The following BAIAP2 variants were observed in gnomAD, a reference collection of about 807,000 sequenced individuals.
BAIAP2 encodes the protein BAR/IMD domain-containing adapter protein 2.
Under a neutral mutation model 63.0 loss-of-function variants are expected in BAIAP2, and 18 were observed. That is an observed-to-expected ratio of 0.29 (90% CI 0.20 to 0.42). The LOEUF is 0.42. BAIAP2 is among the 10% of genes least tolerant of loss of function. The pLI is 1.00. For missense variants in BAIAP2, 610 were observed against 734.3 expected (o/e 0.83, Z 1.96); for synonymous variants, 386 against 307.6 (o/e 1.25, Z -2.67).
intron 3 of BAIAP2, among the ~76,000 whole-genome samples, chr17:81,080,511 A>G (rs2054422318): frequency 6.6e-6 from 1 of 152,196 alleles, no homozygotes; most frequent in Non-Finnish European, 1.5e-5. Context: ...CTGCAGCTGC[A>G]CGGGCGGGTG....
chr17:81,116,127 AC>A lies in BAIAP2; in HGVS notation c.*292del. ...GTCACATGGCCATGGAGCCTTGGGTACCCCTGAGTTAAGGGAGGACATTTGG... is the reference window on the plus strand; with the variant it reads ...GTCACATGGCCATGGAGCCTTGGGTACCCTGAGTTAAGGGAGGACATTTGG... On this transcript the variant is annotated 3_prime_UTR_variant, in exon 14 of 14. Coordinates refer to ENST00000428708, the MANE Select transcript of BAIAP2 (RefSeq NM_001144888.2). The A allele has an allele frequency of 6.3e-7, 1 of 1,578,488 alleles. No homozygotes were observed.
In BAIAP2 at chr17:81,077,158, G is replaced by A. The variant is rs577472101; in HGVS notation, c.218-7674G>A. Reference sequence around the variant, plus strand: ...GGAGCTAGGGGGCAACTCCTGGTGGGCGTGGGTTTCTCTTCGGGGTGATGA... The same window carrying A: ...GGAGCTAGGGGGCAACTCCTGGTGGACGTGGGTTTCTCTTCGGGGTGATGA... On this transcript the variant is annotated intron_variant, in intron 3 of 13. Transcript: ENST00000428708. 4.6e-5 allele frequency among the ~76,000 whole-genome samples: 7 copies of A among 152,304 alleles called. No individual in the cohort carries two copies. In the East Asian group the frequency reaches 1.4e-3, roughly 29 times the overall value.
chr17:81,089,982 G>C (rs1488759293), intron 6 of BAIAP2, among the ~76,000 whole-genome samples: 3 of 152,176 alleles, frequency 2.0e-5, no homozygotes, highest in Non-Finnish European at 4.4e-5. Flanking sequence ...TGTGGTGCTG[G>C]TCTTTCTTCC....
At chr17:81,049,918 C>T (rs1598520518) in intron 1 of BAIAP2, among the ~76,000 whole-genome samples, 1 of 152,336 alleles carries the variant, frequency 6.6e-6, no homozygotes, top group East Asian at 1.9e-4. Flanking sequence ...CCCACTGGGT[C>T]AGGATGGCCC....
intron 6 of BAIAP2, among the ~76,000 whole-genome samples, chr17:81,093,298 G>GGACA (rs1490532603): frequency 6.6e-6 from 1 of 152,206 alleles, no homozygotes; most frequent in Admixed American, 6.5e-5. Context: ...AGCCAGCTCT[G>GGACA]GAGGCTTCCT....
intron 7 of BAIAP2, among the ~76,000 whole-genome samples, chr17:81,102,671 A>G (rs547025257): frequency 4.5e-4 from 68 of 152,322 alleles, no homozygotes; most frequent in South Asian, 3.7e-3. Flanking sequence ...CTGTCGTCCA[A>G]CATCCTCCGT....
intron 12 of BAIAP2, 43 bp from the exon 13 acceptor site, chr17:81,108,432 G>A: frequency 6.2e-7 from 1 of 1,610,150 alleles, no homozygotes; most frequent in Non-Finnish European, 8.5e-7. Flanking sequence ...GGTGACCACA[G>A]GCCCCGTCAC....
At chr17:81,091,676 G>T (rs1246018102) in intron 6 of BAIAP2, among the ~76,000 whole-genome samples, 4 of 152,316 alleles carry the variant, frequency 2.6e-5, no homozygotes, top group African/African-American at 9.6e-5. Flanking sequence ...CTGCTTTCTT[G>T]AGCGGGCAGG....
Position 81,116,577 on chromosome 17 carries a change from A to G in BAIAP2, c.*738A>G, listed in dbSNP as rs184481093. The G allele has an allele frequency of 3.5e-5, 17 of 491,492 alleles. No homozygotes were observed. Among genetic ancestry groups the G allele is most frequent in the Middle Eastern group, 5.6e-4 (1 of 1,800 alleles). The allele number at this position is 491,492 out of a possible 1,614,324, so 30.4% of individuals were successfully genotyped here. A position where few individuals can be genotyped will look rare whatever the true frequency, so the allele number is the denominator to read the frequency against. On this transcript the variant is annotated 3_prime_UTR_variant, in exon 14 of 14. Transcript: ENST00000428708. The stretch of plus-strand genomic sequence containing the variant: ...AGGTGCTATGCGGGGTCACCAGCAG[A>G]GTGCCCGCTGGCAGGTGGGGGCTTC...
At chr17:81,087,345 C>T (rs1186303122) in intron 6 of BAIAP2, 2 of 152,264 alleles carry the variant, frequency 1.3e-5, no homozygotes, top group Non-Finnish European at 2.9e-5. Flanking sequence ...GTCAGGTTTT[C>T]AAGCCTTGGC....
chr17:81,102,742 C>G (rs991762019), intron 7 of BAIAP2, among the ~76,000 whole-genome samples: 2 of 152,074 alleles, frequency 1.3e-5, no homozygotes, highest in Non-Finnish European at 2.9e-5. Context: ...TTGGGGGGAG[C>G]AGTGAAAGCC....
chr17:81,062,527 T>C (rs2050742733), intron 3 of BAIAP2, among the ~76,000 whole-genome samples: 1 of 152,170 alleles, frequency 6.6e-6, no homozygotes. Flanking sequence ...GGTCAGTCTC[T>C]GTTTCTTCTC....
intron 7 of BAIAP2, among the ~76,000 whole-genome samples, chr17:81,103,059 C>CA (rs1555679828): frequency 1.3e-5 from 2 of 152,220 alleles, no homozygotes; most frequent in Non-Finnish European, 2.9e-5. Context: ...CAGTGAGCCT[C>CA]AGTGTGTCTG....
At chr17:81,055,104 C>T (rs984858536) in intron 2 of BAIAP2, among the ~76,000 whole-genome samples, 9 of 152,326 alleles carry the variant, frequency 5.9e-5, no homozygotes, top group South Asian at 4.1e-4. Flanking sequence ...CCTGGTGTTG[C>T]GGCACCCATG....
At chr17:81,045,470 A>G (rs1347060342) in intron 1 of BAIAP2, among the ~76,000 whole-genome samples, 1 of 152,108 alleles carries the variant, frequency 6.6e-6, no homozygotes, top group African/African-American at 2.4e-5. Flanking sequence ...CCTGGCGGGT[A>G]GGGCAGGCAG....
intron 6 of BAIAP2, among the ~76,000 whole-genome samples, chr17:81,093,035 T>A (rs1013050505): frequency 6.6e-5 from 10 of 150,938 alleles, no homozygotes; most frequent in Non-Finnish European, 1.0e-4. Context: ...TGCCCCATCC[T>A]GCATCTGGAA....
intron 6 of BAIAP2, among the ~76,000 whole-genome samples, chr17:81,092,815 G>A (rs998613440): frequency 3.3e-5 from 5 of 152,174 alleles, no homozygotes; most frequent in East Asian, 1.9e-4. Flanking sequence ...TCCACACCAC[G>A]CGGGGCACGG....
chr17:81,075,662 T>C (rs1270815057), intron 3 of BAIAP2, among the ~76,000 whole-genome samples: 1 of 152,192 alleles, frequency 6.6e-6, no homozygotes, highest in African/African-American at 2.4e-5. Context: ...CCACCAGCCC[T>C]CCTTGCCTTT....
At chr17:81,090,138 C>T (rs1302080044) in intron 6 of BAIAP2, among the ~76,000 whole-genome samples, 1 of 152,178 alleles carries the variant, frequency 6.6e-6, no homozygotes, top group East Asian at 1.9e-4. Flanking sequence ...AGCCTCAAGG[C>T]CCTGGTGTCA....
Sources: gnomAD v4.1 joint callset for allele counts (sites outside exome capture counted in the v4.1 genomes callset) on GRCh38, gnomAD v4.1.1 for gene constraint, MANE v1.5 for transcripts, NCBI Gene and HGNC (gene_info 2026-07-23, HGNC 2026-07-21) for gene names.